MAF: variants seen among roughly 807,000 people sequenced by gnomAD.
The protein encoded by MAF is transcription factor Maf.
Under a neutral mutation model 22.0 loss-of-function variants are expected in MAF, and 10 were observed. The observed-to-expected ratio is 0.45, with a 90% CI of 0.28 to 0.77. MAF has a LOEUF of 0.77. Ranked by LOEUF, MAF falls within the 30% of genes least tolerant of loss-of-function variation. The probability of loss-of-function intolerance (pLI) is 0.12; values close to 1 mark genes in which losing one functional copy is unlikely to be tolerated. For synonymous variants in MAF, 337 were observed against 255.8 expected (o/e 1.32, Z -3.03); for missense variants, 544 against 548.4 (o/e 0.99, Z 0.08).
chr16:79,363,740 T>C, the MAF span, among the ~76,000 whole-genome samples: 1 of 152,142 alleles, frequency 6.6e-6, no homozygotes, highest in Non-Finnish European at 1.5e-5. Context: ...ATGGGGTCAC[T>C]GGGGCAAGAC....
At chr16:79,282,726 CT>C in the MAF span, among the ~76,000 whole-genome samples, 1 of 152,160 alleles carries the variant, frequency 6.6e-6, no homozygotes, top group Non-Finnish European at 1.5e-5. Flanking sequence ...TTTACTTTCT[CT>C]TTAGTTTAAT....
At chr16:79,437,404 G>C in the MAF span, among the ~76,000 whole-genome samples, 1 of 152,194 alleles carries the variant, frequency 6.6e-6, no homozygotes, top group Non-Finnish European at 1.5e-5. Flanking sequence ...GCCTGTTTGA[G>C]ATTGTACAGG....
the MAF span, among the ~76,000 whole-genome samples, chr16:79,467,650 T>G: frequency 6.6e-6 from 1 of 152,090 alleles, no homozygotes; most frequent in South Asian, 2.1e-4. Context: ...TTGATAGAAA[T>G]GCAGATTCTC....
the MAF span, among the ~76,000 whole-genome samples, chr16:79,572,483 T>G: frequency 1.3e-5 from 2 of 152,240 alleles, no homozygotes; most frequent in Non-Finnish European, 2.9e-5. Context: ...TTAACGCACA[T>G]ACGTCTCTTT....
chr16:79,414,623 G>C, the MAF span, among the ~76,000 whole-genome samples: 36 of 152,298 alleles, frequency 2.4e-4, no homozygotes, highest in African/African-American at 8.4e-4. Flanking sequence ...GAGGTAAACA[G>C]ACACGGACTA....
chr16:79,207,933 T>G, the MAF span, among the ~76,000 whole-genome samples: 1 of 152,222 alleles, frequency 6.6e-6, no homozygotes, highest in African/African-American at 2.4e-5. Context: ...AAGCAGCTAC[T>G]TAACATTTTC....
chr16:79,214,994 G>C, the MAF span, among the ~76,000 whole-genome samples: 3 of 152,094 alleles, frequency 2.0e-5, no homozygotes, highest in Non-Finnish European at 4.4e-5. Flanking sequence ...ACAGGTGTGA[G>C]CTACCATGCT....
the MAF span, among the ~76,000 whole-genome samples, chr16:79,526,482 C>T: frequency 1.3e-5 from 2 of 152,108 alleles, no homozygotes; most frequent in African/African-American, 4.8e-5. Flanking sequence ...CAGCCCGGTT[C>T]CTTAAAGGTC....
chr16:79,302,719 A>G, the MAF span, among the ~76,000 whole-genome samples: 1 of 152,250 alleles, frequency 6.6e-6, no homozygotes, highest in Non-Finnish European at 1.5e-5. Flanking sequence ...AGGAAAAAGA[A>G]TTGATTGATT....
At chr16:79,481,173 A>G in the MAF span, among the ~76,000 whole-genome samples, 1 of 150,088 alleles carries the variant, frequency 6.7e-6, no homozygotes, top group Non-Finnish European at 1.5e-5. Context: ...ATCACTTACT[A>G]CCCAAATCTC....
chr16:79,352,158 G>A, the MAF span, among the ~76,000 whole-genome samples: 4 of 152,136 alleles, frequency 2.6e-5, no homozygotes, highest in Admixed American at 6.5e-5. Context: ...GCCAAGAAGC[G>A]GAGGAAGCCA....
At chr16:79,330,192 C>T in the MAF span, among the ~76,000 whole-genome samples, 3 of 152,144 alleles carry the variant, frequency 2.0e-5, no homozygotes, top group East Asian at 5.8e-4. Context: ...GCCTGCAATC[C>T]AATTTTATGG....
At chr16:79,424,567 T>G in the MAF span, among the ~76,000 whole-genome samples, 115,599 of 152,150 alleles carry the variant, frequency 0.76, 46,024 homozygotes, top group Non-Finnish European at 0.87. Context: ...CTTCTGATTT[T>G]TAAAGGAAAT....
chr16:79,521,232 T>G, the MAF span, among the ~76,000 whole-genome samples: 2 of 152,192 alleles, frequency 1.3e-5, no homozygotes, highest in Non-Finnish European at 2.9e-5. Context: ...CCTATTTACT[T>G]TTCGTTAATA....
the MAF span, among the ~76,000 whole-genome samples, chr16:79,561,713 G>C: frequency 6.6e-6 from 1 of 151,998 alleles, no homozygotes; most frequent in Non-Finnish European, 1.5e-5. Context: ...AGGAGAAGAA[G>C]AAAAAATGGT....
the MAF span, among the ~76,000 whole-genome samples, chr16:79,555,159 G>T: frequency 6.5e-3 from 996 of 152,288 alleles, 16 homozygotes; most frequent in African/African-American, 0.023. Flanking sequence ...GCAGTGGCCA[G>T]CTTGGTACTG....
the MAF span, among the ~76,000 whole-genome samples, chr16:79,406,260 G>A: frequency 6.6e-6 from 1 of 152,212 alleles, no homozygotes; most frequent in African/African-American, 2.4e-5. Flanking sequence ...GTTTCAGGCA[G>A]TAGCCAAACC....
the MAF span, among the ~76,000 whole-genome samples, chr16:79,486,957 C>T: frequency 1.3e-5 from 2 of 152,048 alleles, no homozygotes; most frequent in South Asian, 2.1e-4. Flanking sequence ...CTAAGCAGTC[C>T]ATCCTAAATC....
At chr16:79,441,671 C>T in the MAF span, among the ~76,000 whole-genome samples, 2 of 152,218 alleles carry the variant, frequency 1.3e-5, no homozygotes, top group African/African-American at 2.4e-5. Flanking sequence ...TGCCCTGGCT[C>T]AGAAGCCACA....
Sources: gnomAD v4.1 joint callset for allele counts (sites outside exome capture counted in the v4.1 genomes callset) on GRCh38, gnomAD v4.1.1 for gene constraint, MANE v1.5 for transcripts, NCBI Gene and HGNC (gene_info 2026-07-23, HGNC 2026-07-21) for gene names.